Variants in SUGCT observed in about 807,000 individuals in gnomAD.
SUGCT encodes succinyl-CoA:glutarate-CoA transferase.
SUGCT carries 41 observed loss-of-function variants against 55.0 expected under a neutral mutation model. The ratio of observed to expected loss-of-function variants is 0.74; its 90% CI spans 0.58 to 0.97. The LOEUF is 0.97. SUGCT is among the 50% of genes least tolerant of loss of function. The pLI, the probability that SUGCT is intolerant of heterozygous loss-of-function variation, is 0.00. For missense variants in SUGCT, 568 were observed against 547.8 expected (o/e 1.04, Z -0.37); for synonymous variants, 187 against 200.4 (o/e 0.93, Z 0.56).
chr7:40,350,094 C>A (rs1266887573), intron 9 of SUGCT, among the ~76,000 whole-genome samples: 1 of 152,162 alleles, frequency 6.6e-6, no homozygotes, highest in East Asian at 1.9e-4. Context: ...AGCAGAAAAT[C>A]TGTAGCATTT....
At chr7:40,504,241 T>C (rs1318280272) in intron 12 of SUGCT, among the ~76,000 whole-genome samples, 1 of 150,132 alleles carries the variant, frequency 6.7e-6, no homozygotes, top group Non-Finnish European at 1.5e-5. Flanking sequence ...CTTCTTCTTT[T>C]TTAAAAAACA....
At chr7:40,416,793 T>G (rs1033981754) in intron 9 of SUGCT, among the ~76,000 whole-genome samples, 2 of 152,048 alleles carry the variant, frequency 1.3e-5, no homozygotes, top group Non-Finnish European at 2.9e-5. Flanking sequence ...TAGAAGGCTT[T>G]CTATTTTTAA....
At chr7:40,350,642 G>C (rs912324483) in intron 9 of SUGCT, among the ~76,000 whole-genome samples, 2 of 151,766 alleles carry the variant, frequency 1.3e-5, no homozygotes, top group Non-Finnish European at 2.9e-5. Context: ...ATTATATTTA[G>C]ATTTTTAAAA....
At chr7:40,680,048 A>G (rs537358799) in intron 12 of SUGCT, among the ~76,000 whole-genome samples, 1 of 152,194 alleles carries the variant, frequency 6.6e-6, no homozygotes, top group African/African-American at 2.4e-5. Flanking sequence ...TGGACCCTTC[A>G]GCTTTTTAAG....
At chr7:40,780,394 G>A (rs536891952) in intron 13 of SUGCT, among the ~76,000 whole-genome samples, 1 of 152,296 alleles carries the variant, frequency 6.6e-6, no homozygotes, top group East Asian at 1.9e-4. Context: ...TTGTTGACAA[G>A]GGAAGTTTGC....
At chr7:40,829,086 G>A (rs577865168) in intron 13 of SUGCT, among the ~76,000 whole-genome samples, 1 of 152,248 alleles carries the variant, frequency 6.6e-6, no homozygotes, top group East Asian at 1.9e-4. Context: ...TAAGCATAAA[G>A]ACAGTCCCAC....
At chr7:40,220,356 A>G (rs990936394) in intron 6 of SUGCT, among the ~76,000 whole-genome samples, 1 of 152,220 alleles carries the variant, frequency 6.6e-6, no homozygotes, top group African/African-American at 2.4e-5. Context: ...CATCTGATAC[A>G]AAGTTATTAT....
intron 1 of SUGCT, among the ~76,000 whole-genome samples, chr7:40,179,353 G>T (rs548715634): frequency 2.0e-3 from 304 of 151,902 alleles, no homozygotes; most frequent in African/African-American, 6.8e-3. Context: ...GAGTGCAATG[G>T]CGCCATCTCA....
At chr7:40,601,357 T>C (rs1402156572) in intron 12 of SUGCT, among the ~76,000 whole-genome samples, 1 of 152,196 alleles carries the variant, frequency 6.6e-6, no homozygotes, top group East Asian at 1.9e-4. Flanking sequence ...AGACACCAGG[T>C]TCCCCTGTGG....
At chr7:40,936,232 A>T in the SUGCT span, among the ~76,000 whole-genome samples, 128,240 of 151,186 alleles carry the variant, frequency 0.85, 54,501 homozygotes, top group African/African-American at 0.88. Flanking sequence ...TGGGATGTTT[A>T]TTATTATTAT....
chr7:40,907,736 T>A, the SUGCT span, among the ~76,000 whole-genome samples: 1 of 152,198 alleles, frequency 6.6e-6, no homozygotes, highest in African/African-American at 2.4e-5. Context: ...TCTGGAGGGA[T>A]CTTTAACTCA....
At chr7:40,923,933 A>G in the SUGCT span, among the ~76,000 whole-genome samples, 4 of 152,266 alleles carry the variant, frequency 2.6e-5, no homozygotes, top group Non-Finnish European at 5.9e-5. Context: ...ACAAATTCAT[A>G]TATTAACAGG....
In SUGCT at chr7:40,237,678, T is replaced by C. The variant is rs756698388; in HGVS notation, c.528T>C (p.Asp176=). The C allele has an allele frequency of 1.9e-6, 3 of 1,613,960 alleles. No individual in the cohort carries two copies. Among genetic ancestry groups the C allele is most frequent in the Non-Finnish European group, 2.5e-6 (3 of 1,179,866 alleles). The change falls in exon 7 of 14, where the codon GAT becomes GAC. Residue 176 remains aspartate, a synonymous_variant. Transcript: ENST00000335693. ...CAATTTCTCAGCGAGCTGGTTATGA[T>C]GCTGTTGCCTCGGCTGTTTCTGGTC... ...TGPISQRAGY[D]AVASAVSGLM... is the part of the protein sequence containing the mutation.
At chr7:40,162,803 C>T (rs1350021073) in intron 1 of SUGCT, among the ~76,000 whole-genome samples, 1 of 152,190 alleles carries the variant, frequency 6.6e-6, no homozygotes, top group African/African-American at 2.4e-5. Context: ...GAATTCTTCA[C>T]ATATTCCAAT....
chr7:40,797,764 A>G (rs1054755565), intron 13 of SUGCT, among the ~76,000 whole-genome samples: 2 of 152,206 alleles, frequency 1.3e-5, no homozygotes, highest in African/African-American at 4.8e-5. Flanking sequence ...GAGCTGATGC[A>G]AGTTGTAGGT....
chr7:40,212,731 C>T (rs1046381060), intron 6 of SUGCT, among the ~76,000 whole-genome samples: 1 of 152,118 alleles, frequency 6.6e-6, no homozygotes, highest in Non-Finnish European at 1.5e-5. Flanking sequence ...GACAGGGTTT[C>T]ACCATGTTGG....
intron 7 of SUGCT, among the ~76,000 whole-genome samples, chr7:40,241,181 CA>C (rs1282326302): frequency 6.6e-6 from 1 of 151,978 alleles, no homozygotes; most frequent in African/African-American, 2.4e-5. Flanking sequence ...AGTGATATTC[CA>C]AATATATAGA....
At position 40,212,582 on chromosome 7, in the gene SUGCT, T is replaced by A. The variant is rs145661860; in HGVS notation, c.484+17522T>A. On this transcript the variant is annotated intron_variant, in intron 6 of 13. Transcript: ENST00000335693. ...TGGAGTCTTGCTCTGTCCGCCAGGC[T>A]GGAATGCAGTGGCGCGATCTCAGCT... Among the ~76,000 whole-genome samples, 105 of 152,288 alleles carry A rather than the reference T, an allele frequency of 6.9e-4. No individual in the cohort carries two copies. The East Asian group carries it at 0.015, about 21-fold the overall frequency.
At chr7:40,599,270 G>A (rs1562890702) in intron 12 of SUGCT, among the ~76,000 whole-genome samples, 1 of 152,150 alleles carries the variant, frequency 6.6e-6, no homozygotes, top group Admixed American at 6.5e-5. Flanking sequence ...TGGGTAGCGT[G>A]TGTATTCTCA....
Sources: allele counts gnomAD v4.1 joint callset (sites outside exome capture counted in the v4.1 genomes callset), GRCh38; gene constraint gnomAD v4.1.1; transcripts MANE v1.5; gene names NCBI Gene and HGNC (gene_info 2026-07-23, HGNC 2026-07-21).